The following PABIR3 variants were observed in gnomAD, a reference collection of about 807,000 sequenced individuals.
The protein encoded by PABIR3 is PABIR family member 3, also known as PABIR family member 1.
In PABIR3, 20 loss-of-function variants were observed where a neutral mutation model predicts 23.1. That is an observed-to-expected ratio of 0.86 (90% confidence interval 0.61 to 1.26). The LOEUF (loss-of-function observed/expected upper bound fraction) is 1.26. PABIR3 is among the 50% of genes most tolerant of loss of function. PABIR3 has a pLI of 0.00. For synonymous variants in PABIR3, 69 were observed against 68.5 expected (o/e 1.01, Z -0.04); for missense variants, 189 against 195.4 (o/e 0.97, Z 0.20).
At chrX:134,846,784 G>A (rs749783858) in intron 6 of PABIR3, among the ~76,000 whole-genome samples, 20 of 111,532 alleles carry the variant, frequency 1.8e-4, no homozygotes, top group Non-Finnish European at 3.4e-4. Context: ...CCTTTAACTG[G>A]CCCAATTCTA....
intron 3 of PABIR3, among the ~76,000 whole-genome samples, chrX:134,820,895 G>A (rs774828570): frequency 5.5e-5 from 6 of 108,110 alleles, no homozygotes; most frequent in Admixed American, 1.0e-4. Flanking sequence ...GGTGGCACGC[G>A]CCTGTAATCC....
At chrX:134,859,772 G>A (rs771545058), downstream of PABIR3, among the ~76,000 whole-genome samples, 12 of 112,197 alleles carry the variant, frequency 1.1e-4, no homozygotes, top group East Asian at 2.8e-3. Flanking sequence ...AAGTTGGTAC[G>A]TTAAGTTGGT....
At chrX:134,848,552 T>C (rs1376459770) in intron 8 of PABIR3, among the ~76,000 whole-genome samples, 2 of 112,359 alleles carry the variant, frequency 1.8e-5, no homozygotes, top group African/African-American at 6.5e-5. Context: ...TCTAGAACTT[T>C]AAACAACTTC....
At chrX:134,843,562 C>CTTTTT (rs140467304) in intron 4 of PABIR3, among the ~76,000 whole-genome samples, 15 of 42,266 alleles carry the variant, frequency 3.5e-4, no homozygotes, top group East Asian at 8.9e-4. Context: ...AGGCTTATTT[C>CTTTTT]TTTTTTTTTT....
At chrX:134,803,202 C>T (rs749410275), upstream of PABIR3, among the ~76,000 whole-genome samples, 12 of 112,063 alleles carry the variant, frequency 1.1e-4, 1 homozygote, top group East Asian at 3.4e-3. Flanking sequence ...TGCAAAGAGG[C>T]AGGGGCTGGA....
intron 2 of PABIR3, among the ~76,000 whole-genome samples, chrX:134,808,660 G>C (rs1038456736): frequency 8.9e-6 from 1 of 112,082 alleles, no homozygotes; most frequent in Non-Finnish European, 1.9e-5. Context: ...GATTACAGGC[G>C]TAAGCCACCG....
At chrX:134,814,904 A>C in intron 3 of PABIR3, 55 bp downstream of exon 3, 25 of 903,134 alleles carry the variant, frequency 2.8e-5, no homozygotes, top group Non-Finnish European at 3.7e-5. Flanking sequence ...TATTGGTCTC[A>C]ACCAATGGTC....
intron 2 of PABIR3, chrX:134,809,734 T>G: frequency 1.4e-6 from 1 of 718,664 alleles, no homozygotes; most frequent in Non-Finnish European, 1.6e-6. Context: ...CAAAATGACG[T>G]TTAGTGGCAG....
intron 3 of PABIR3, chrX:134,821,257 A>C (rs1360426042): frequency 5.3e-6 from 5 of 951,279 alleles, no homozygotes; most frequent in African/African-American, 4.1e-5. Flanking sequence ...AAAAAAAAAA[A>C]AAAAAAAAAA....
chrX:134,808,416 T>A (rs898566592), intron 2 of PABIR3, among the ~76,000 whole-genome samples: 2 of 111,482 alleles, frequency 1.8e-5, no homozygotes, highest in African/African-American at 6.5e-5. Context: ...AGTCTCACTC[T>A]GTCGCCCAGG....
At chrX:134,830,304 A>G (rs1215262068) in intron 4 of PABIR3, among the ~76,000 whole-genome samples, 1 of 94,523 alleles carries the variant, frequency 1.1e-5, no homozygotes, top group African/African-American at 3.9e-5. Flanking sequence ...GCAAGAAAGT[A>G]TGGTAAAAAT....
At chrX:134,807,753 G>A (rs756530475) in intron 2 of PABIR3, 45 bp downstream of exon 2, 5 of 1,095,998 alleles carry the variant, frequency 4.6e-6, no homozygotes, top group South Asian at 2.3e-5. Flanking sequence ...GTGGGGAGGA[G>A]GTGTTCGGGA....
At position 134,853,958 on chromosome X, in the gene PABIR3, A is replaced by T. The variant is rs184617490; in HGVS notation, c.687-133A>T. The T allele has an allele frequency of 2.1e-4, 132 of 620,994 alleles. 1 individual carries two copies. In the African/African-American group the frequency reaches 2.6e-3, roughly 12 times the overall value. The allele number at this position is 620,994 out of a possible 1,213,427, so 51.2% of individuals were successfully genotyped here. On this transcript the variant is annotated intron_variant, in intron 10 of 10. Transcript: ENST00000645433. ...TTGTTACTGGTGGTTTCATTGTATGACTCTTAAAAAACTTTGCTTGTGACA... is the reference window on the plus strand; with the variant it reads ...TTGTTACTGGTGGTTTCATTGTATGTCTCTTAAAAAACTTTGCTTGTGACA...
chrX:134,860,678 G>GA, the PABIR3 span, among the ~76,000 whole-genome samples: 2 of 111,006 alleles, frequency 1.8e-5, no homozygotes, highest in Non-Finnish European at 3.8e-5. Context: ...AATCAATTAT[G>GA]AAAAAAAACT....
At chrX:134,857,647 G>A (rs971455612), downstream of PABIR3, among the ~76,000 whole-genome samples, 3 of 110,857 alleles carry the variant, frequency 2.7e-5, no homozygotes, top group South Asian at 7.6e-4. Context: ...AGAACAAGAG[G>A]TGACTATAAA....
rs769323901 is a variant in PABIR3 at position 134,821,493 on chromosome X, C to T, written c.189+6644C>T. 1.7e-4 allele frequency: 195 copies of T among 1,150,033 alleles called. 1 individual carries two copies. The South Asian group carries it at 3.4e-3, about 20-fold the overall frequency. The allele number at this position is 1,150,033 out of a possible 1,213,427, so 94.8% of individuals were successfully genotyped here. A position where few individuals can be genotyped will look rare whatever the true frequency, so the allele number is the denominator to read the frequency against. On this transcript the variant is annotated intron_variant, in intron 3 of 10. Coordinates refer to ENST00000645433, the MANE Select transcript of PABIR3 (RefSeq NM_001388447.1). ...GGAATTCTGGCACTTCTGCTCAAGC[C>T]GGATGTCACTGCGTCACTTCTCCAT...
At chrX:134,861,262 G>A in the PABIR3 span, among the ~76,000 whole-genome samples, 1 of 108,153 alleles carries the variant, frequency 9.2e-6, no homozygotes, top group Non-Finnish European at 1.9e-5. Context: ...GAGACAGAGC[G>A]AGAACCTGTT....
At chrX:134,841,585 T>C (rs750755518) in intron 4 of PABIR3, among the ~76,000 whole-genome samples, 3 of 111,632 alleles carry the variant, frequency 2.7e-5, no homozygotes, top group Non-Finnish European at 5.6e-5. Flanking sequence ...ATCCCAGCAC[T>C]TTGGGAAGCA....
intron 3 of PABIR3, among the ~76,000 whole-genome samples, chrX:134,823,568 T>C (rs1015781399): frequency 8.9e-6 from 1 of 111,878 alleles, no homozygotes; most frequent in Admixed American, 9.6e-5. Context: ...TGTACATATA[T>C]ACATATATAC....
Sources: allele counts gnomAD v4.1 joint callset (sites outside exome capture counted in the v4.1 genomes callset), GRCh38; gene constraint gnomAD v4.1.1; transcripts MANE v1.5; gene names NCBI Gene and HGNC (gene_info 2026-07-23, HGNC 2026-07-21).